MTFR1: variants seen among roughly 807,000 people sequenced by gnomAD.
MTFR1 encodes chondrocyte protein with a poly-proline region.
A neutral mutation model predicts 38.8 loss-of-function variants in MTFR1; 28 were observed. That is an observed-to-expected ratio of 0.72 (90% CI 0.53 to 0.99). The LOEUF is 0.99. Among genes scored for constraint, MTFR1 ranks in the 50% least tolerant of loss-of-function variants. MTFR1 has a pLI of 0.00. For missense variants in MTFR1, 358 were observed against 395.5 expected, an observed-to-expected ratio of 0.91 and a Z score of 0.81; for synonymous variants, 145 against 137.0, an observed-to-expected ratio of 1.06 and a Z score of -0.41.
chr8:65,746,197 G>T (rs117547270), intron 3 of MTFR1, among the ~76,000 whole-genome samples: 1 of 150,920 alleles, frequency 6.6e-6, no homozygotes, highest in African/African-American at 2.4e-5. Flanking sequence ...GCCTCCGAAC[G>T]TGCTAGGATT....
intron 3 of MTFR1, chr8:65,734,671 C>G (rs1807047744): frequency 1.6e-6 from 1 of 640,960 alleles, no homozygotes; most frequent in Non-Finnish European, 2.8e-6. Context: ...CCAGCTAGAT[C>G]TCATTCTTGT....
chr8:65,651,963 ATT>A (rs142634799), intron 1 of MTFR1, among the ~76,000 whole-genome samples: 1 of 142,250 alleles, frequency 7.0e-6, no homozygotes. Context: ...GCCCCCTTTA[ATT>A]TTTTTTTTTT....
chr8:65,762,414 G>A (rs1191880415), intron 3 of MTFR1, among the ~76,000 whole-genome samples: 2 of 152,190 alleles, frequency 1.3e-5, no homozygotes, highest in Admixed American at 6.5e-5. Flanking sequence ...AGAGCAGCAC[G>A]TGCTGACATG....
chr8:65,731,594 A>T (rs1806890410), intron 3 of MTFR1: 1 of 152,232 alleles, frequency 6.6e-6, no homozygotes, highest in African/African-American at 2.4e-5. Flanking sequence ...TTTGGGCTCA[A>T]CTTGAACAAA....
rs555218647 is a variant in MTFR1 at position 65,736,910 on chromosome 8, T to C, written c.*48+17429T>C. On this transcript the variant is annotated intron_variant, in intron 3 of 3. Coordinates refer to the MTFR1 transcript ENST00000521247. Reference sequence around the variant, plus strand: ...AGGCTTTTTTTTTTTTGAGATGGAGTCTCGCCCTGCTGCCCAGGCTGGAGT... The same window carrying C: ...AGGCTTTTTTTTTTTTGAGATGGAGCCTCGCCCTGCTGCCCAGGCTGGAGT... Among the ~76,000 whole-genome samples, 54 of 145,714 alleles carry C rather than the reference T, an allele frequency of 3.7e-4. No individual in the cohort carries two copies. The East Asian group carries it at 0.011, about 29-fold the overall frequency.
rs758784637 is a variant in MTFR1 at position 65,682,384 on chromosome 8, C to T, written c.98C>T (p.Ser33Phe). 1 of 1,572,284 alleles carries T rather than the reference C, an allele frequency of 6.4e-7. No individual in the cohort carries two copies. The highest frequency in any genetic ancestry group is 8.6e-7 in the Non-Finnish European group (1 of 1,158,730). The change falls in exon 3 of 8, where the codon TCT becomes TTT. Residue 33 changes from serine to phenylalanine, a missense_variant. Coordinates refer to ENST00000262146, the MANE Select transcript of MTFR1 (RefSeq NM_014637.4). The stretch of plus-strand genomic sequence containing the variant: ...TGGTCTAGGAAGCCATATGGTTCGT[C>T]TCGAAGTATCGTAAGGAAAATTGGT... ...VLWSRKPYGS[S>F]RSIVRKIGTN...
rs1390864890 is a variant in MTFR1, at chr8:65,658,703, AC to A, written c.-80-11168del. ...CTGATTCTTAGCAATTTTTTTAAAA[AC>A]CTTATTTATTTTGAAGTGTAACACA... On this transcript the variant is annotated intron_variant, in intron 1 of 7. Coordinates refer to ENST00000262146, the MANE Select transcript of MTFR1 (RefSeq NM_014637.4). Among the ~76,000 whole-genome samples the A allele has an allele frequency of 5.3e-5, 8 of 152,272 alleles. No individual in the cohort carries two copies. In the East Asian group the frequency reaches 1.2e-3, roughly 22 times the overall value.
intron 3 of MTFR1, among the ~76,000 whole-genome samples, chr8:65,751,541 A>G (rs10096256): frequency 0.18 from 27,225 of 151,136 alleles, 3,150 homozygotes; most frequent in East Asian, 0.52. Flanking sequence ...TCTTGTTGCT[A>G]GAGTGCAATG....
intron 3 of MTFR1, among the ~76,000 whole-genome samples, chr8:65,746,485 A>G (rs889978733): frequency 6.6e-6 from 1 of 152,178 alleles, no homozygotes; most frequent in Admixed American, 6.5e-5. Context: ...TACTACATTA[A>G]CTTTTAGGAT....
At chr8:65,688,300 T>C (rs1199469016) in intron 3 of MTFR1, among the ~76,000 whole-genome samples, 2 of 150,724 alleles carry the variant, frequency 1.3e-5, no homozygotes, top group East Asian at 4.0e-4. Context: ...CTTGGGAGGC[T>C]GATGCAGGAG....
chr8:65,776,641 C>A, the MTFR1 span, among the ~76,000 whole-genome samples: 2 of 152,248 alleles, frequency 1.3e-5, no homozygotes, highest in Non-Finnish European at 1.5e-5. Context: ...TTTATCCCTA[C>A]ATATTTGATG....
At chr8:65,683,226 G>A (rs1466631461) in intron 3 of MTFR1, among the ~76,000 whole-genome samples, 1 of 149,660 alleles carries the variant, frequency 6.7e-6, no homozygotes, top group Non-Finnish European at 1.5e-5. Flanking sequence ...CTGCCTCCTA[G>A]GTTCAAGCAC....
chr8:65,678,693 G>C (rs1388561575), intron 2 of MTFR1, among the ~76,000 whole-genome samples: 1 of 152,098 alleles, frequency 6.6e-6, no homozygotes, highest in Non-Finnish European at 1.5e-5. Context: ...CTGAGGTCAG[G>C]AGTTCGAAAC....
chr8:65,734,511 A>G (rs548903756), intron 3 of MTFR1, among the ~76,000 whole-genome samples: 60 of 152,262 alleles, frequency 3.9e-4, no homozygotes, highest in Non-Finnish European at 7.9e-4. Context: ...CCCTGCCCAC[A>G]TGGAGCCCAT....
chr8:65,670,636 T>C (rs1804543412), intron 2 of MTFR1, among the ~76,000 whole-genome samples: 1 of 152,162 alleles, frequency 6.6e-6, no homozygotes, highest in Admixed American at 6.6e-5. Context: ...TTTTTTTTCA[T>C]GGCTATGACA....
Position 65,669,890 on chromosome 8 carries a change from G to T in MTFR1, c.-63G>T. On this transcript the variant is annotated 5_prime_UTR_variant, in exon 2 of 8. An upstream start codon of the reference 5' UTR is lost. Coordinates refer to ENST00000262146, the MANE Select transcript of MTFR1 (RefSeq NM_014637.4). ...ATTTTCAGTGTGTTTTATGGACCAT[G>T]TGCTGCTATGTATGCCTGAAGAAGT... The T allele has an allele frequency of 7.9e-7, 1 of 1,264,744 alleles. No individual in the cohort carries two copies. The highest frequency in any genetic ancestry group is 2.0e-5 in the Admixed American group (1 of 48,862). 78.3% of individuals were successfully genotyped at this position (1,264,744 alleles called of 1,614,324 possible). A position where few individuals can be genotyped will look rare whatever the true frequency, so the allele number is the denominator to read the frequency against.
chr8:65,735,377 T>C (rs1046062430), intron 3 of MTFR1, among the ~76,000 whole-genome samples: 8 of 151,940 alleles, frequency 5.3e-5, no homozygotes, highest in African/African-American at 1.9e-4. Flanking sequence ...GACATGATCA[T>C]GGCTCATTGC....
At chr8:65,683,967 T>C (rs1804988187) in intron 3 of MTFR1, among the ~76,000 whole-genome samples, 1 of 152,218 alleles carries the variant, frequency 6.6e-6, no homozygotes, top group African/African-American at 2.4e-5. Context: ...TAACTAAGTT[T>C]TATAAACTTT....
At chr8:65,658,605 C>T (rs1282009644) in intron 1 of MTFR1, among the ~76,000 whole-genome samples, 1 of 152,172 alleles carries the variant, frequency 6.6e-6, no homozygotes, top group Admixed American at 6.6e-5. Flanking sequence ...AATACACACA[C>T]ATGTGTGCAT....
Sources: allele counts gnomAD v4.1 joint callset (sites outside exome capture counted in the v4.1 genomes callset), GRCh38; gene constraint gnomAD v4.1.1; transcripts MANE v1.5; gene names NCBI Gene and HGNC (gene_info 2026-07-23, HGNC 2026-07-21).